The following ROS1 variants were observed in gnomAD, a reference collection of about 807,000 sequenced individuals.
ROS1 encodes ROS proto-oncogene 1, receptor tyrosine kinase.
In ROS1, 263 loss-of-function variants were observed where a neutral mutation model predicts 273.5. The observed-to-expected ratio is 0.96, with a 90% CI of 0.87 to 1.06. The LOEUF is 1.06. ROS1 is among the 50% of genes least tolerant of loss of function. The pLI is 0.00. For missense variants in ROS1, 2,833 were observed against 2,751.1 expected (o/e 1.03, Z -0.67); for synonymous variants, 1,008 against 954.1 (o/e 1.06, Z -1.04).
At chr6:117,416,455 C>T (rs1775341639) in intron 2 of ROS1, 138 bp from the exon 3 acceptor site, 1 of 641,798 alleles carries the variant, frequency 1.6e-6, no homozygotes, top group Non-Finnish European at 2.8e-6. Flanking sequence ...CCTGAGGCCT[C>T]CAAAAGATCC....
chr6:117,328,032 G>T (rs1776773864), intron 33 of ROS1, among the ~76,000 whole-genome samples: 2 of 152,214 alleles, frequency 1.3e-5, no homozygotes. Context: ...CTCTAGAGCT[G>T]TAAGAATAAA....
At chr6:117,340,222 G>A (rs1462540333) in intron 31 of ROS1, among the ~76,000 whole-genome samples, 1 of 152,042 alleles carries the variant, frequency 6.6e-6, no homozygotes, top group Non-Finnish European at 1.5e-5. Context: ...ATGAAACTAT[G>A]GTCTTTGAGT....
intron 17 of ROS1, among the ~76,000 whole-genome samples, chr6:117,380,588 T>A (rs1201999116): frequency 6.6e-6 from 1 of 152,012 alleles, no homozygotes; most frequent in African/African-American, 2.4e-5. Flanking sequence ...ACAAATTAAG[T>A]CTATTTCATC....
intron 39 of ROS1, among the ~76,000 whole-genome samples, chr6:117,315,523 T>C (rs749549008): frequency 1.1e-4 from 16 of 152,220 alleles, no homozygotes; most frequent in Middle Eastern, 3.4e-3. Flanking sequence ...AGAATTCTTA[T>C]TGGCAATTGT....
intron 16 of ROS1, 68 bp downstream of exon 16, chr6:117,385,615 T>C: frequency 2.2e-6 from 3 of 1,363,354 alleles, no homozygotes; most frequent in Non-Finnish European, 3.0e-6. Flanking sequence ...AAAAAGAAAT[T>C]GGTGTGCAAG....
At chr6:117,404,458 C>T (rs1774232500) in intron 5 of ROS1, 30 bp from the exon 6 acceptor site, 3 of 1,608,268 alleles carry the variant, frequency 1.9e-6, no homozygotes, top group Admixed American at 3.4e-5. Flanking sequence ...TCACTCACCA[C>T]GCACTCCTGT....
At chr6:117,425,444 A>C (rs183754670) in intron 1 of ROS1, 90 bp downstream of exon 1, 2 of 1,345,446 alleles carry the variant, frequency 1.5e-6, no homozygotes, top group Admixed American at 5.6e-5. Flanking sequence ...AAAACTCCTC[A>C]TAAAGAGAAA....
At chr6:117,372,830 G>A (rs540179529) in intron 18 of ROS1, among the ~76,000 whole-genome samples, 3 of 152,228 alleles carry the variant, frequency 2.0e-5, no homozygotes, top group African/African-American at 7.2e-5. Context: ...CTTCTACACT[G>A]TGGAAAAGGA....
chr6:117,411,270 T>A (rs1273995050), intron 4 of ROS1, among the ~76,000 whole-genome samples: 1 of 110,874 alleles, frequency 9.0e-6, no homozygotes, highest in African/African-American at 3.4e-5. Flanking sequence ...TCCCTCCCAC[T>A]CTCTCCATCC....
intron 39 of ROS1, among the ~76,000 whole-genome samples, chr6:117,312,299 A>G (rs1775603464): frequency 6.6e-6 from 1 of 152,082 alleles, no homozygotes; most frequent in South Asian, 2.1e-4. Flanking sequence ...CTTAAAAACA[A>G]ATGCTCTTAA....
rs760646608 is a variant in ROS1 at position 117,301,048 on chromosome 6, T to C, written c.6641A>G (p.Asn2214Ser). Residue 2214 changes from asparagine to serine, a missense_variant, in exon 43 of 44, where the codon AAT (asparagine) becomes AGT (serine). Transcript: ENST00000368507. ...RIQDQLQLFRNFFLNSIYKSR... is the reference protein window; with the variant it reads ...RIQDQLQLFRSFFLNSIYKSR... ...CTTATAAATGCTATTTAAGAAAAAA[T>C]TTCTGAATAACTGAAGTTGGTCCTG... is the stretch of plus-strand genomic sequence containing the variant. The C allele has an allele frequency of 4.4e-6, 7 of 1,607,092 alleles. No individual in the cohort carries two copies. In the South Asian group the frequency reaches 7.9e-5, roughly 18 times the overall value.
At chr6:117,425,416 G>A in intron 1 of ROS1, 118 bp downstream of exon 1, 2 of 978,282 alleles carry the variant, frequency 2.0e-6, no homozygotes, top group South Asian at 1.9e-5. Context: ...TTGCCTTGTT[G>A]CCACCACTTC....
At chr6:117,402,956 C>T (rs1233188013) in intron 7 of ROS1, among the ~76,000 whole-genome samples, 183 bp downstream of exon 7, 1 of 151,750 alleles carries the variant, frequency 6.6e-6, no homozygotes, top group Non-Finnish European at 1.5e-5. Context: ...GGGTCATTGT[C>T]TCTTTTGATC....
intron 11 of ROS1, 30 bp downstream of exon 11, chr6:117,394,132 C>T (rs185126466): frequency 6.9e-7 from 1 of 1,447,534 alleles, no homozygotes; most frequent in East Asian, 2.4e-5. Context: ...CACTGTCTAT[C>T]ACTATTCCTC....
intron 2 of ROS1, 89 bp downstream of exon 2, chr6:117,418,373 C>A (rs1775490317): frequency 3.4e-6 from 3 of 874,556 alleles, no homozygotes; most frequent in Non-Finnish European, 5.4e-6. Context: ...TTTTACTTAG[C>A]AATTCTTACT....
At chr6:117,372,075 C>A (rs971561104) in intron 18 of ROS1, among the ~76,000 whole-genome samples, 1 of 152,158 alleles carries the variant, frequency 6.6e-6, no homozygotes, top group African/African-American at 2.4e-5. Flanking sequence ...CTCAGCAACA[C>A]AGGCATAGAA....
intron 17 of ROS1, among the ~76,000 whole-genome samples, chr6:117,379,685 A>G (rs1424905974): frequency 6.6e-6 from 1 of 152,152 alleles, no homozygotes; most frequent in African/African-American, 2.4e-5. Context: ...GCTGCACTCT[A>G]TTAATTATGA....
intron 18 of ROS1, among the ~76,000 whole-genome samples, chr6:117,368,944 T>C (rs1047883822): frequency 1.3e-5 from 2 of 152,168 alleles, no homozygotes; most frequent in African/African-American, 2.4e-5. Flanking sequence ...TATCAAAATA[T>C]TAAAATATAC....
At chr6:117,345,233 A>G (rs1778277800) in intron 27 of ROS1, among the ~76,000 whole-genome samples, 1 of 152,128 alleles carries the variant, frequency 6.6e-6, no homozygotes, top group South Asian at 2.1e-4. Flanking sequence ...AACCCTTCAC[A>G]TAGGTAGTCT....
Sources: gnomAD v4.1 joint callset for allele counts (sites outside exome capture counted in the v4.1 genomes callset) on GRCh38, gnomAD v4.1.1 for gene constraint, MANE v1.5 for transcripts, NCBI Gene and HGNC (gene_info 2026-07-23, HGNC 2026-07-21) for gene names.